YWHAE: variants seen among roughly 807,000 people sequenced by gnomAD.
YWHAE encodes the protein tyrosine 3-monooxygenase/tryptophan 5-monooxygenase activation protein epsilon.
In YWHAE, 4 loss-of-function variants were observed where a neutral mutation model predicts 30.1. The ratio of observed to expected loss-of-function variants is 0.13; its 90% CI spans 0.07 to 0.30. The LOEUF is 0.30. Among genes scored for constraint, YWHAE ranks in the 10% least tolerant of loss-of-function variants. YWHAE has a pLI of 1.00. For synonymous variants in YWHAE, 118 were observed against 111.8 expected, an observed-to-expected ratio of 1.06 and a Z score of -0.35; for missense variants, 121 against 315.9, an observed-to-expected ratio of 0.38 and a Z score of 4.68.
At chr17:1,370,018 T>C (rs182023735) in intron 1 of YWHAE, among the ~76,000 whole-genome samples, 1,941 of 151,768 alleles carry the variant, frequency 0.013, 24 homozygotes, top group South Asian at 0.029. Flanking sequence ...GGAGTGGCCG[T>C]GGCAAGACAA....
intron 5 of YWHAE, among the ~76,000 whole-genome samples, 200 bp from the exon 6 acceptor site, chr17:1,345,699 G>T (rs969273345): frequency 4.6e-5 from 7 of 151,976 alleles, no homozygotes; most frequent in African/African-American, 1.7e-4. Context: ...AGTATTTATT[G>T]GTCAACAGAA....
At chr17:1,365,355 A>T (rs751665106) in intron 1 of YWHAE, among the ~76,000 whole-genome samples, 1 of 152,134 alleles carries the variant, frequency 6.6e-6, no homozygotes, top group Non-Finnish European at 1.5e-5. Context: ...AATTAGGCAC[A>T]CCTAACTATT....
At chr17:1,380,310 C>T (rs2073186793) in intron 1 of YWHAE, among the ~76,000 whole-genome samples, 2 of 152,036 alleles carry the variant, frequency 1.3e-5, no homozygotes, top group Admixed American at 1.3e-4. Flanking sequence ...TGAGGTTTCA[C>T]GATGTTGACC....
chr17:1,357,675 C>A (rs1047007771), intron 4 of YWHAE, among the ~76,000 whole-genome samples: 1 of 152,044 alleles, frequency 6.6e-6, no homozygotes, highest in African/African-American at 2.4e-5. Context: ...CCTGTAATCT[C>A]GGCACTTTGG....
chr17:1,366,303 G>A (rs987254003), intron 1 of YWHAE, among the ~76,000 whole-genome samples: 1 of 152,134 alleles, frequency 6.6e-6, no homozygotes, highest in Non-Finnish European at 1.5e-5. Context: ...ACTGTGGGAG[G>A]CCAAGGTGGG....
chr17:1,373,584 C>G (rs980663232), intron 1 of YWHAE, among the ~76,000 whole-genome samples: 3 of 151,778 alleles, frequency 2.0e-5, no homozygotes, highest in Non-Finnish European at 4.4e-5. Flanking sequence ...AGGAGAATTG[C>G]GTGAACCCGG....
chr17:1,396,656 G>C (rs778198678), intron 1 of YWHAE, among the ~76,000 whole-genome samples: 40 of 152,036 alleles, frequency 2.6e-4, no homozygotes, highest in Admixed American at 6.6e-4. Flanking sequence ...GTTTTTTATT[G>C]TTGCTGTTGC....
chr17:1,378,006 G>A (rs886781178), intron 1 of YWHAE, among the ~76,000 whole-genome samples: 9 of 152,314 alleles, frequency 5.9e-5, no homozygotes, highest in Admixed American at 2.6e-4. Context: ...CCAAGATCGC[G>A]TCACTGCACT....
chr17:1,352,701 A>AT (rs1448149952), intron 5 of YWHAE, among the ~76,000 whole-genome samples: 1 of 152,028 alleles, frequency 6.6e-6, no homozygotes, highest in Non-Finnish European at 1.5e-5. Flanking sequence ...AATTTTTTGT[A>AT]TACTTAGTAG....
At chr17:1,373,401 C>T (rs1479081351) in intron 1 of YWHAE, among the ~76,000 whole-genome samples, 1 of 151,606 alleles carries the variant, frequency 6.6e-6, no homozygotes, top group Non-Finnish European at 1.5e-5. Flanking sequence ...GAGGTGGACT[C>T]ACGCCTGTAA....
At chr17:1,354,052 G>A (rs1227694959) in intron 5 of YWHAE, among the ~76,000 whole-genome samples, 159 bp downstream of exon 5, 2 of 152,148 alleles carry the variant, frequency 1.3e-5, no homozygotes, top group Non-Finnish European at 2.9e-5. Flanking sequence ...CCGTACTGTA[G>A]CACCATTTCC....
intron 1 of YWHAE, among the ~76,000 whole-genome samples, chr17:1,387,656 C>A (rs56007784): frequency 6.6e-6 from 1 of 151,706 alleles, no homozygotes; most frequent in African/African-American, 2.4e-5. Flanking sequence ...TGGAGTCTTA[C>A]TGTTTCCCAG....
At chr17:1,382,899 A>C (rs577664127) in intron 1 of YWHAE, among the ~76,000 whole-genome samples, 1 of 151,514 alleles carries the variant, frequency 6.6e-6, no homozygotes, top group East Asian at 2.0e-4. Flanking sequence ...TTGGCATATG[A>C]CTGTAATTCC....
At chr17:1,389,757 G>C (rs1359842155) in intron 1 of YWHAE, among the ~76,000 whole-genome samples, 1 of 151,770 alleles carries the variant, frequency 6.6e-6, no homozygotes, top group Admixed American at 6.6e-5. Flanking sequence ...GTCTCAATCT[G>C]CTGACCTCGT....
At chr17:1,382,407 A>C (rs1463483422) in intron 1 of YWHAE, among the ~76,000 whole-genome samples, 1 of 139,414 alleles carries the variant, frequency 7.2e-6, no homozygotes, top group Non-Finnish European at 1.5e-5. Context: ...GCAGCAGCGC[A>C]ATCTCAGCTC....
At chr17:1,371,105 AAC>A (rs547168207) in intron 1 of YWHAE, among the ~76,000 whole-genome samples, 39 of 151,858 alleles carry the variant, frequency 2.6e-4, no homozygotes, top group African/African-American at 8.0e-4. Flanking sequence ...TGTGTTTTGA[AAC>A]AGAGTCACAC....
chr17:1,348,177 C>T (rs2072558477), intron 5 of YWHAE, among the ~76,000 whole-genome samples: 1 of 152,206 alleles, frequency 6.6e-6, no homozygotes, highest in South Asian at 2.1e-4. Flanking sequence ...CTCCTCCCTT[C>T]TACTCTGAGA....
chr17:1,379,696 A>G (rs2073176101), intron 1 of YWHAE, among the ~76,000 whole-genome samples: 1 of 152,188 alleles, frequency 6.6e-6, no homozygotes, highest in African/African-American at 2.4e-5. Context: ...GATGAGCAAA[A>G]GGCTGGGATG....
At chr17:1,378,167 A>G (rs1021338852) in intron 1 of YWHAE, among the ~76,000 whole-genome samples, 1 of 152,240 alleles carries the variant, frequency 6.6e-6, no homozygotes, top group African/African-American at 2.4e-5. Context: ...TTTTCTTAAA[A>G]AGGAGTCATC....
Sources: allele counts gnomAD v4.1 joint callset (sites outside exome capture counted in the v4.1 genomes callset), GRCh38; gene constraint gnomAD v4.1.1; transcripts MANE v1.5; gene names NCBI Gene and HGNC (gene_info 2026-07-23, HGNC 2026-07-21).